ADGB: variants seen among roughly 807,000 people sequenced by gnomAD.
ADGB encodes androglobin, also known as calpain-7-like protein.
In ADGB, 172 loss-of-function variants were observed where a neutral mutation model predicts 210.5. The observed-to-expected ratio is 0.82, with a 90% CI of 0.72 to 0.93. The LOEUF is 0.93. ADGB is among the 40% of genes least tolerant of loss of function. The pLI is 0.00. For missense variants in ADGB, 2,025 were observed against 1,964.8 expected, an observed-to-expected ratio of 1.03 and a Z score of -0.58; for synonymous variants, 658 against 662.7, an observed-to-expected ratio of 0.99 and a Z score of 0.11.
intron 29 of ADGB, among the ~76,000 whole-genome samples, chr6:146,778,174 T>C (rs912552663): frequency 2.6e-5 from 4 of 152,232 alleles, no homozygotes; most frequent in Non-Finnish European, 5.9e-5. Context: ...TTGAGAGCTC[T>C]AGGACCTGGA....
At position 146,672,395 on chromosome 6, in the gene ADGB, G is replaced by C. The variant is rs377313716; in HGVS notation, c.1015G>C (p.Val339Leu). 6.4e-7 allele frequency: 1 copy of C among 1,551,360 alleles called. No homozygotes were observed. Among genetic ancestry groups the C allele is most frequent in the Admixed American group, 2.0e-5 (1 of 50,976 alleles). The change falls in exon 8 of 36, where the codon GTG becomes CTG. Residue 339 changes from valine to leucine, a missense_variant. By Grantham distance (32) the Val-to-Leu change is conservative. Coordinates refer to ENST00000397944, the MANE Select transcript of ADGB (RefSeq NM_024694.4). ...AAAGGATGGAAAGGAAGTAAAAGACGTGAAGGAATTCAAACCTGAAAGTTC... is the reference window on the plus strand; with the variant it reads ...AAAGGATGGAAAGGAAGTAAAAGACCTGAAGGAATTCAAACCTGAAAGTTC... ...EIKDGKEVKD[V>L]KEFKPESSLT... is the part of the protein sequence containing the mutation.
At chr6:146,650,946 C>G (rs553032645) in intron 3 of ADGB, among the ~76,000 whole-genome samples, 1 of 152,218 alleles carries the variant, frequency 6.6e-6, no homozygotes, top group Non-Finnish European at 1.5e-5. Flanking sequence ...AACACAGCAG[C>G]ACAGATGACA....
rs1193211961 is a variant in ADGB at position 146,645,795 on chromosome 6, A to G, written c.330+930A>G. On this transcript the variant is annotated intron_variant, in intron 3 of 35. Coordinates refer to ENST00000397944, the MANE Select transcript of ADGB (RefSeq NM_024694.4). ...AAATTCAAAGATTAAATAAGATGCA[A>G]AAATAATATCCTATCAGCCAGAGCA... is the stretch of plus-strand genomic sequence containing the variant. 4.6e-5 allele frequency among the ~76,000 whole-genome samples: 7 copies of G among 152,176 alleles called. No individual in the cohort carries two copies. The South Asian group carries it at 8.3e-4, about 18-fold the overall frequency.
At position 146,788,581 on chromosome 6, in the gene ADGB, G is replaced by A. The variant is rs1045319167; in HGVS notation, c.4508G>A (p.Arg1503His). The change falls in exon 33 of 36, where the codon CGC becomes CAC. Residue 1503 changes from arginine to histidine, a missense_variant. Coordinates refer to ENST00000397944, the MANE Select transcript of ADGB (RefSeq NM_024694.4). Reference sequence around the variant, plus strand: ...GTGTCTTCACCAGGGAAAGAAGAGCGCGAGCAGAGCACACGGAAGGAAAAC... The same window carrying A: ...GTGTCTTCACCAGGGAAAGAAGAGCACGAGCAGAGCACACGGAAGGAAAAC... ...GGVSSPGKEE[R>H]EQSTRKENIQ... is the part of the protein sequence containing the mutation. The A allele has an allele frequency of 9.7e-6, 15 of 1,551,652 alleles. No individual in the cohort carries two copies. The highest frequency in any genetic ancestry group is 5.9e-5 in the Admixed American group (3 of 50,978).
At chr6:146,733,429 C>T (rs1777032391) in intron 21 of ADGB, among the ~76,000 whole-genome samples, 174 bp downstream of exon 21, 1 of 152,076 alleles carries the variant, frequency 6.6e-6, no homozygotes, top group Admixed American at 6.6e-5. Context: ...ATCCCCTACC[C>T]CTAATCCCCA....
At chr6:146,657,200 C>T (rs1171154097) in intron 5 of ADGB, among the ~76,000 whole-genome samples, 1 of 151,848 alleles carries the variant, frequency 6.6e-6, no homozygotes, top group Non-Finnish European at 1.5e-5. Context: ...GTGGTGGGTG[C>T]CTGTAATCCC....
chr6:146,718,291 G>A (rs1283390355), intron 16 of ADGB, among the ~76,000 whole-genome samples: 2 of 146,006 alleles, frequency 1.4e-5, no homozygotes, highest in African/African-American at 5.0e-5. Context: ...AGGTTGCAGT[G>A]AGCCGAGATT....
chr6:146,672,866 G>C (rs1776030196), intron 8 of ADGB, among the ~76,000 whole-genome samples: 1 of 152,010 alleles, frequency 6.6e-6, no homozygotes, highest in African/African-American at 2.4e-5. Context: ...AAGTAGCTGG[G>C]GTTACAGGCG....
rs1191868044 is a variant in ADGB at position 146,792,546 on chromosome 6, T to TC, written c.4537+3936_4537+3937insC. ...GCCCAGGGGCAGTCACAGCACAGAC[T>TC]TTTTTTTTTTTTACCCAGAGTCCCA... On this transcript the variant is annotated intron_variant, in intron 33 of 35. Coordinates refer to ENST00000397944, the MANE Select transcript of ADGB (RefSeq NM_024694.4). 6.3e-5 allele frequency among the ~76,000 whole-genome samples: 9 copies of TC among 142,284 alleles called. No individual in the cohort carries two copies. In the East Asian group the frequency reaches 1.8e-3, roughly 29 times the overall value. The allele number at this position is 142,284 out of a possible 152,430, so 93.3% of individuals were successfully genotyped here. A position where few individuals can be genotyped will look rare whatever the true frequency, so the allele number is the denominator to read the frequency against.
intron 20 of ADGB, among the ~76,000 whole-genome samples, chr6:146,730,297 T>G (rs1368140893): frequency 6.6e-6 from 1 of 152,116 alleles, no homozygotes; most frequent in African/African-American, 2.4e-5. Context: ...AATTTACTGT[T>G]GAATGAAGTT....
intron 1 of ADGB, among the ~76,000 whole-genome samples, chr6:146,627,649 T>TC (rs1413939303): frequency 1.3e-5 from 2 of 152,088 alleles, no homozygotes; most frequent in African/African-American, 2.4e-5. Context: ...GTACTTTTTT[T>TC]CCCCGGCTTT....
At chr6:146,607,616 AT>A (rs1337824164) in intron 1 of ADGB, among the ~76,000 whole-genome samples, 8 of 152,174 alleles carry the variant, frequency 5.3e-5, no homozygotes, top group African/African-American at 1.9e-4. Context: ...AACAGATTTT[AT>A]CAAAAGCCTT....
intron 25 of ADGB, among the ~76,000 whole-genome samples, chr6:146,743,334 TGGTTGAACCAA>T (rs1299246465): frequency 3.9e-5 from 6 of 152,190 alleles, no homozygotes; most frequent in Admixed American, 2.0e-4. Flanking sequence ...AAAGAATATT[TGGTTGAACCAA>T]GTACGAATCT....
chr6:146,791,158 T>C (rs1294921671), intron 33 of ADGB, among the ~76,000 whole-genome samples: 2 of 152,172 alleles, frequency 1.3e-5, no homozygotes, highest in East Asian at 3.8e-4. Context: ...TCACTTTTCA[T>C]TGTTTCATTT....
At chr6:146,612,635 T>C (rs1780728044) in intron 1 of ADGB, among the ~76,000 whole-genome samples, 1 of 152,168 alleles carries the variant, frequency 6.6e-6, no homozygotes, top group South Asian at 2.1e-4. Flanking sequence ...CTCATTCCCT[T>C]TTCTTTAGTC....
intron 18 of ADGB, chr6:146,725,300 C>G (rs530411658): frequency 6.6e-6 from 1 of 152,362 alleles, no homozygotes; most frequent in South Asian, 2.1e-4. Flanking sequence ...TCTGCAGTCC[C>G]CAACTCCAGA....
chr6:146,719,413 A>T (rs1228613723), intron 16 of ADGB, among the ~76,000 whole-genome samples: 1 of 150,462 alleles, frequency 6.6e-6, no homozygotes, highest in African/African-American at 2.5e-5. Flanking sequence ...AAATAAAATT[A>T]TGACATTCCT....
intron 32 of ADGB, 37 bp from the exon 33 acceptor site, chr6:146,788,352 C>CG (rs1777907659): frequency 6.6e-7 from 1 of 1,525,654 alleles, no homozygotes; most frequent in African/African-American, 1.4e-5. Context: ...TTTCATGGAA[C>CG]GCCAGCTTTT....
At chr6:146,658,449 G>T (rs1407298800) in intron 5 of ADGB, among the ~76,000 whole-genome samples, 1 of 152,088 alleles carries the variant, frequency 6.6e-6, no homozygotes, top group South Asian at 2.1e-4. Flanking sequence ...GGAAAAGCGA[G>T]GAGATAAAAT....
Sources: gnomAD v4.1 joint callset for allele counts (sites outside exome capture counted in the v4.1 genomes callset) on GRCh38, gnomAD v4.1.1 for gene constraint, MANE v1.5 for transcripts, NCBI Gene and HGNC (gene_info 2026-07-23, HGNC 2026-07-21) for gene names.